SIGLEC1: variants seen among roughly 807,000 people sequenced by gnomAD.
SIGLEC1 encodes sialoadhesin.
In SIGLEC1, 132 loss-of-function variants were observed where a neutral mutation model predicts 148.0. That is an observed-to-expected ratio of 0.89 (90% CI 0.77 to 1.03). SIGLEC1 has a LOEUF of 1.03. Among genes scored for constraint, SIGLEC1 ranks in the 50% least tolerant of loss-of-function variants. The pLI, the probability that SIGLEC1 is intolerant of heterozygous loss-of-function variation, is 0.00. For synonymous variants in SIGLEC1, 945 were observed against 969.0 expected, an observed-to-expected ratio of 0.98 and a Z score of 0.46; for missense variants, 2,253 against 2,271.4, an observed-to-expected ratio of 0.99 and a Z score of 0.16.
intron 1 of SIGLEC1, among the ~76,000 whole-genome samples, chr20:3,712,217 A>AG (rs780359850): frequency 6.6e-6 from 1 of 151,630 alleles, no homozygotes; most frequent in Non-Finnish European, 1.5e-5. Flanking sequence ...GGGCTGAGGT[A>AG]GGGTCAGAGC....
intron 4 of SIGLEC1, among the ~76,000 whole-genome samples, chr20:3,704,940 T>C (rs1394644326): frequency 6.6e-6 from 1 of 152,240 alleles, no homozygotes; most frequent in Non-Finnish European, 1.5e-5. Context: ...GTTTAATATG[T>C]GCCAGGCACT....
intron 2 of SIGLEC1, 58 bp from the exon 3 acceptor site, chr20:3,706,764 C>T: frequency 4.1e-6 from 6 of 1,476,568 alleles, no homozygotes; most frequent in Non-Finnish European, 5.4e-6. Context: ...CAGGGTGCCA[C>T]AGAGCCCTGC....
Position 3,697,834 on chromosome 20 carries a change from C to T in SIGLEC1, c.2086G>A (p.Gly696Ser), listed in dbSNP as rs2087816672. 1.2e-6 allele frequency: 2 copies of T among 1,612,940 alleles called. No individual in the cohort carries two copies. Among genetic ancestry groups the T allele is most frequent in the Non-Finnish European group, 1.7e-6 (2 of 1,179,968 alleles). ...AAGGTGGCTGAGGTGGAGGCGTTGC[C>T]CAGGGCATTGCTGGCCTCACAGAGG... ...LYLCEASNAL[G>S]NASTSATFNG... Residue 696 changes from glycine to serine, a missense_variant, in exon 9 of 22, where the codon GGC becomes AGC. Coordinates refer to ENST00000344754, the MANE Select transcript of SIGLEC1 (RefSeq NM_023068.4).
chr20:3,688,260 A>AGCCCCAACATCATAAACCATCGT lies in SIGLEC1; in HGVS notation c.*299_*300insACGATGGTTTATGATGTTGGGGC, dbSNP rs2088718561. 3.9e-5 allele frequency: 16 copies of AGCCCCAACATCATAAACCATCGT among 410,414 alleles called. No individual in the cohort carries two copies. Among genetic ancestry groups the AGCCCCAACATCATAAACCATCGT allele is most frequent in the South Asian group, 2.6e-4 (12 of 46,296 alleles). The allele number at this position is 410,414 out of a possible 1,614,324, so 25.4% of individuals were successfully genotyped here. ...GGTGACTTTCGAGGAGAAGGATGTG[A>AGCCCCAACATCATAAACCATCGT]AAGGGCAGGGCTTCCTTTGAGGGAG... On this transcript the variant is annotated 3_prime_UTR_variant, in exon 22 of 22. Coordinates refer to ENST00000344754, the MANE Select transcript of SIGLEC1 (RefSeq NM_023068.4).
chr20:3,699,136 G>A, intron 8 of SIGLEC1, 66 bp downstream of exon 8: 9 of 1,564,286 alleles, frequency 5.8e-6, no homozygotes, highest in Non-Finnish European at 7.8e-6. Context: ...AGGGCTGGGG[G>A]GCCTAGAGGA....
intron 17 of SIGLEC1, 88 bp downstream of exon 17, chr20:3,691,815 A>G: frequency 6.9e-7 from 1 of 1,455,322 alleles, no homozygotes; most frequent in Non-Finnish European, 9.3e-7. Context: ...CAGACCAGAC[A>G]GCCCGCTCTA....
At chr20:3,689,115 A>G (rs1005364548) in intron 21 of SIGLEC1, 40 bp downstream of exon 21, 1 of 1,547,912 alleles carries the variant, frequency 6.5e-7, no homozygotes. Context: ...ACTGTGGGTT[A>G]GCTGGGTATT....
At chr20:3,697,388 G>A in intron 9 of SIGLEC1, 46 bp from the exon 10 acceptor site, 7 of 1,607,040 alleles carry the variant, frequency 4.4e-6, no homozygotes, top group Non-Finnish European at 6.0e-6. Flanking sequence ...CGGCCCCCAG[G>A]AGCCAGGGGT....
chr20:3,699,349 G>A lies in SIGLEC1; in HGVS notation c.1639C>T (p.Leu547=), dbSNP rs1246688762. The change falls in exon 8 of 22, where the codon CTG becomes TTG. Residue 547 remains leucine (L), a synonymous_variant. Coordinates refer to ENST00000344754, the MANE Select transcript of SIGLEC1 (RefSeq NM_023068.4). ...CCCTCGTGAAGCAGGGCTCCATTCAGGTACCAGGAGAAGCGGGCATCAGGT... is the reference window on the plus strand; with the variant it reads ...CCCTCGTGAAGCAGGGCTCCATTCAAGTACCAGGAGAAGCGGGCATCAGGT... ...PTPDARFSWY[L]NGALLHEGPG... is the part of the protein sequence containing the mutation. The A allele has an allele frequency of 1.9e-6, 3 of 1,609,034 alleles. No homozygotes were observed. In the Admixed American group the frequency reaches 5.1e-5, roughly 27 times the overall value.
chr20:3,693,822 G>A (rs1386254331), intron 13 of SIGLEC1, 124 bp from the exon 14 acceptor site: 1 of 1,037,930 alleles, frequency 9.6e-7, no homozygotes, highest in Non-Finnish European at 1.3e-6. Flanking sequence ...GGGAGCCTTG[G>A]GTGGCCCACC....
At chr20:3,703,117 G>T in intron 6 of SIGLEC1, 80 bp downstream of exon 6, 1 of 1,582,034 alleles carries the variant, frequency 6.3e-7, no homozygotes, top group South Asian at 1.1e-5. Context: ...CCCATGCCCA[G>T]GACCCCAACC....
chr20:3,699,209 A>C lies in SIGLEC1; in HGVS notation c.1779T>G (p.Thr593=). The C allele has an allele frequency of 1.9e-6, 3 of 1,609,412 alleles. No individual in the cohort carries two copies. Among genetic ancestry groups the C allele is most frequent in the Non-Finnish European group, 2.5e-6 (3 of 1,178,982 alleles). Residue 593 remains threonine, a synonymous_variant, in exon 8 of 22, where the codon ACT becomes ACG. Coordinates refer to ENST00000344754, the MANE Select transcript of SIGLEC1 (RefSeq NM_023068.4). ...CAGGTGGTGGCTGCTCACAGAGCAC[A>C]GTGAGAACAGCTGGCGAAGAGGGGC... ...ASGPSSPAVL[T]VLYPPRQPTF...
Position 3,707,184 on chromosome 20 carries a change from T to A in SIGLEC1, c.-56A>T. ...AGAGGGTGGTGCGCACTGCGCTGGC[T>A]GGGCTCACAGGGGCCTCCAGGGACA... On this transcript the variant is annotated 5_prime_UTR_variant, in exon 2 of 22. Transcript: ENST00000344754. 6.4e-7 allele frequency: 1 copy of A among 1,562,190 alleles called. No homozygotes were observed. Among genetic ancestry groups the A allele is most frequent in the Non-Finnish European group, 8.8e-7 (1 of 1,134,616 alleles).
At position 3,704,503 on chromosome 20, in the gene SIGLEC1, G is replaced by A. The variant is rs2087878324; in HGVS notation, c.707-412C>T. 2.0e-5 allele frequency among the ~76,000 whole-genome samples: 3 copies of A among 152,356 alleles called. No individual in the cohort carries two copies. In the South Asian group the frequency reaches 6.2e-4, roughly 32 times the overall value. On this transcript the variant is annotated intron_variant, in intron 4 of 21. Coordinates refer to ENST00000344754, the MANE Select transcript of SIGLEC1 (RefSeq NM_023068.4). The stretch of plus-strand genomic sequence containing the variant: ...ACCTAGTGGGAGGGGGCCAAAGGCA[G>A]CATCAAACTAGCTCTGAAAATAGTT...
At chr20:3,707,058 G>A in intron 2 of SIGLEC1, 22 bp downstream of exon 2, 1 of 1,611,798 alleles carries the variant, frequency 6.2e-7, no homozygotes, top group Non-Finnish European at 8.5e-7. Flanking sequence ...TGGAAGACAG[G>A]CACTAGGCCC....
chr20:3,690,291 T>C (rs1600278668), intron 18 of SIGLEC1, 27 bp from the exon 19 acceptor site: 6 of 1,511,096 alleles, frequency 4.0e-6, no homozygotes, highest in South Asian at 2.5e-5. Context: ...AGTGTGGTGA[T>C]TGCAGACAAT....
rs1486499331 is a variant in SIGLEC1 at position 3,694,710 on chromosome 20, C to G, written c.2897G>C (p.Gly966Ala). 1 of 1,613,816 alleles carries G rather than the reference C, an allele frequency of 6.2e-7. No homozygotes were observed. The highest frequency in any genetic ancestry group is 1.3e-5 in the African/African-American group (1 of 75,032). ...TGCAGCTAGGCTCGTGGTGGCTGAG[C>G]CTGGGGCCTGGGCTTGGCAATGATA... ...GAYHCQAQAPGSATTSLAAPI... is the reference protein window; with the variant it reads ...GAYHCQAQAPASATTSLAAPI... The change falls in exon 12 of 22, where the codon GGC becomes GCC. Residue 966 changes from glycine (G) to alanine (A), a missense_variant. Physicochemically the swap from Gly to Ala is moderately conservative, Grantham distance 60. Transcript: ENST00000344754.
intron 11 of SIGLEC1, among the ~76,000 whole-genome samples, chr20:3,695,819 ATT>A (rs10555867): frequency 0.53 from 78,978 of 149,730 alleles, 21,025 homozygotes; most frequent in East Asian, 0.75. Flanking sequence ...TTTAGGGAGA[ATT>A]TTTTTTTTTT....
chr20:3,695,269 A>G (rs1296829211), intron 11 of SIGLEC1, among the ~76,000 whole-genome samples: 2 of 152,166 alleles, frequency 1.3e-5, no homozygotes, highest in Non-Finnish European at 2.9e-5. Context: ...GCTCCTGACA[A>G]ATGTTGGTTC....
Sources: gnomAD v4.1 joint callset for allele counts (sites outside exome capture counted in the v4.1 genomes callset) on GRCh38, gnomAD v4.1.1 for gene constraint, MANE v1.5 for transcripts, NCBI Gene and HGNC (gene_info 2026-07-23, HGNC 2026-07-21) for gene names.